The following CUEDC1 variants were observed in gnomAD, a reference collection of about 807,000 sequenced individuals.
The protein encoded by CUEDC1 is CUE domain-containing protein 1.
Under a neutral mutation model 43.7 loss-of-function variants are expected in CUEDC1, and 30 were observed. That is an observed-to-expected ratio of 0.69 (90% CI 0.51 to 0.93). The LOEUF is 0.93. Among genes scored for constraint, CUEDC1 ranks in the 40% least tolerant of loss-of-function variants. The pLI is 0.00. For missense variants in CUEDC1, 486 were observed against 549.0 expected (o/e 0.89, Z 1.15); for synonymous variants, 223 against 223.6 (o/e 1.00, Z 0.02).
At chr17:57,893,730 AC>A (rs1233597569) in intron 1 of CUEDC1, among the ~76,000 whole-genome samples, 3 of 152,238 alleles carry the variant, frequency 2.0e-5, no homozygotes, top group African/African-American at 7.2e-5. Context: ...GGAGAGACAG[AC>A]AATGCTGTCA....
chr17:57,896,432 A>C (rs1859077863), intron 1 of CUEDC1, among the ~76,000 whole-genome samples: 1 of 151,160 alleles, frequency 6.6e-6, no homozygotes, highest in East Asian at 1.9e-4. Context: ...GACCTAAGGG[A>C]ACAATGCAAG....
At chr17:57,905,695 T>C (rs546780050) in intron 1 of CUEDC1, among the ~76,000 whole-genome samples, 1 of 152,110 alleles carries the variant, frequency 6.6e-6, no homozygotes, top group East Asian at 1.9e-4. Context: ...CAGTGCCAAA[T>C]AGAATCGCAT....
intron 1 of CUEDC1, among the ~76,000 whole-genome samples, chr17:57,935,599 C>T (rs1333938163): frequency 6.6e-6 from 1 of 152,126 alleles, no homozygotes; most frequent in Non-Finnish European, 1.5e-5. Context: ...CCTCCCTTTC[C>T]TCCCGAGGTT....
intron 1 of CUEDC1, among the ~76,000 whole-genome samples, chr17:57,893,034 T>C (rs1159918183): frequency 6.6e-6 from 1 of 152,232 alleles, no homozygotes; most frequent in African/African-American, 2.4e-5. Flanking sequence ...AGCGCTCTCA[T>C]TTCCCGTATG....
Position 57,879,598 on chromosome 17 carries a change from G to C in CUEDC1, c.464+13C>G. 6.3e-7 allele frequency: 1 copy of C among 1,585,512 alleles called. No individual in the cohort carries two copies. The highest frequency in any genetic ancestry group is 8.5e-7 in the Non-Finnish European group (1 of 1,170,796). On this transcript the variant is annotated intron_variant, in intron 3 of 10. Transcript: ENST00000577830. ...CCTGCCACCCTGTGCTCTGAGACATGACAGATTCTCACCGGGGAGGCGGAG... is the reference window on the plus strand; with the variant it reads ...CCTGCCACCCTGTGCTCTGAGACATCACAGATTCTCACCGGGGAGGCGGAG...
intron 1 of CUEDC1, among the ~76,000 whole-genome samples, chr17:57,909,856 G>A (rs965537958): frequency 3.9e-5 from 6 of 152,236 alleles, no homozygotes; most frequent in African/African-American, 9.6e-5. Flanking sequence ...CAGCTGAGGC[G>A]GGGTATGCAT....
intron 1 of CUEDC1, among the ~76,000 whole-genome samples, chr17:57,920,636 T>TC (rs201936578): frequency 2.8e-5 from 4 of 143,476 alleles, no homozygotes; most frequent in African/African-American, 2.6e-5. Flanking sequence ...TCTTTTCTTT[T>TC]TTTTTTTTTT....
At chr17:57,918,313 G>A (rs980080448) in intron 1 of CUEDC1, among the ~76,000 whole-genome samples, 4 of 152,142 alleles carry the variant, frequency 2.6e-5, no homozygotes, top group Non-Finnish European at 5.9e-5. Flanking sequence ...GATCAGCCGG[G>A]AACCCTCTGG....
intron 1 of CUEDC1, among the ~76,000 whole-genome samples, chr17:57,902,257 A>T (rs1163184336): frequency 5.9e-5 from 9 of 151,938 alleles, no homozygotes; most frequent in African/African-American, 2.2e-4. Context: ...TGAACCTGGG[A>T]GGCGGAGGTT....
intron 1 of CUEDC1, among the ~76,000 whole-genome samples, chr17:57,932,720 C>T (rs915334793): frequency 6.6e-6 from 1 of 150,612 alleles, no homozygotes; most frequent in Non-Finnish European, 1.5e-5. Context: ...AAATTAGCTG[C>T]GCGTGGTGGC....
chr17:57,928,539 T>A (rs1231229250), intron 1 of CUEDC1, among the ~76,000 whole-genome samples: 4 of 115,968 alleles, frequency 3.4e-5, no homozygotes, highest in African/African-American at 7.7e-5. Flanking sequence ...AGAGTGAGAC[T>A]CTGTCTCAAA....
intron 3 of CUEDC1, among the ~76,000 whole-genome samples, chr17:57,874,548 C>A (rs1217812524): frequency 6.6e-6 from 1 of 152,144 alleles, no homozygotes; most frequent in Non-Finnish European, 1.5e-5. Flanking sequence ...CCTCCCTGAC[C>A]CCCAGGCTCC....
chr17:57,864,876 A>G (rs1408884361), intron 10 of CUEDC1, among the ~76,000 whole-genome samples: 3 of 152,194 alleles, frequency 2.0e-5, no homozygotes. Context: ...CACATGGCAA[A>G]AATCCATCTC....
intron 1 of CUEDC1, among the ~76,000 whole-genome samples, chr17:57,888,190 A>G (rs1281579517): frequency 6.6e-6 from 1 of 152,208 alleles, no homozygotes; most frequent in East Asian, 1.9e-4. Context: ...GGCGTGAGCC[A>G]CTGCGCCCGG....
At chr17:57,902,451 A>T (rs577177872) in intron 1 of CUEDC1, among the ~76,000 whole-genome samples, 46 of 152,182 alleles carry the variant, frequency 3.0e-4, no homozygotes, top group Non-Finnish European at 5.3e-4. Flanking sequence ...GGATTAGCAG[A>T]CCCACAGCCC....
rs1325850990 is a variant in CUEDC1, at chr17:57,879,629, G to A, written c.446C>T (p.Pro149Leu). 1.9e-6 allele frequency: 3 copies of A among 1,593,620 alleles called. No homozygotes were observed. The highest frequency in any genetic ancestry group is 1.7e-6 in the Non-Finnish European group (2 of 1,173,322). ...TTCTCACCGGGGAGGCGGAGTCGGG[G>A]GAGCCAGAGGGTAGGGCCGGTCGAA... is the stretch of plus-strand genomic sequence containing the variant. ...HVFDRPYPLA[P>L]PTPPPRIDAL... is the part of the protein sequence containing the mutation. Residue 149 changes from proline (P) to leucine (L), a missense_variant, in exon 3 of 11, where the codon CCC (proline) becomes CTC (leucine). Transcript: ENST00000577830.
Position 57,885,326 on chromosome 17 carries a change from G to A in CUEDC1, c.239C>T (p.Thr80Ile). The part of the protein sequence containing the change: ...LRANSGAVDA[T>I]IDQLLQMNLE... ...GTTCATCTGCAGCAGCTGGTCGATGGTGGCGTCCACAGCGCCGCTGTTGGC... is the reference window on the plus strand; with the variant it reads ...GTTCATCTGCAGCAGCTGGTCGATGATGGCGTCCACAGCGCCGCTGTTGGC... The change falls in exon 2 of 11, where the codon ACC becomes ATC. Residue 80 changes from threonine to isoleucine, a missense_variant. By Grantham distance (89) the Thr-to-Ile change is moderately conservative (BLOSUM62 -1). Transcript: ENST00000577830. 6.2e-7 allele frequency: 1 copy of A among 1,611,476 alleles called. No homozygotes were observed. Among genetic ancestry groups the A allele is most frequent in the Non-Finnish European group, 8.5e-7 (1 of 1,179,478 alleles).
intron 1 of CUEDC1, among the ~76,000 whole-genome samples, chr17:57,912,067 T>C (rs1208804792): frequency 2.6e-5 from 4 of 152,222 alleles, no homozygotes; most frequent in African/African-American, 4.8e-5. Context: ...ACAGCATGAA[T>C]GGCAGAAGCC....
chr17:57,881,028 G>A (rs931586429), intron 2 of CUEDC1, among the ~76,000 whole-genome samples: 3 of 152,212 alleles, frequency 2.0e-5, no homozygotes, highest in African/African-American at 7.2e-5. Context: ...GTTTGCAGAA[G>A]TCACCATAAT....
Sources: gnomAD v4.1 joint callset for allele counts (sites outside exome capture counted in the v4.1 genomes callset) on GRCh38, gnomAD v4.1.1 for gene constraint, MANE v1.5 for transcripts, NCBI Gene and HGNC (gene_info 2026-07-23, HGNC 2026-07-21) for gene names.